The following C7orf78 variants were observed in gnomAD, a reference collection of about 807,000 sequenced individuals.
C7orf78 encodes the protein chromosome 7 open reading frame 78.
the C7orf78 span, among the ~76,000 whole-genome samples, chr7:12,534,325 T>C: frequency 6.6e-6 from 1 of 152,238 alleles, no homozygotes; most frequent in Non-Finnish European, 1.5e-5. Context: ...ATATATGACT[T>C]CTATTTCACA....
the C7orf78 span, among the ~76,000 whole-genome samples, chr7:12,515,305 G>A: frequency 4.6e-5 from 7 of 152,206 alleles, no homozygotes; most frequent in African/African-American, 4.8e-5. Context: ...TTTATCAGGA[G>A]TTTCTGCTTT....
the C7orf78 span, chr7:12,486,889 ATTG>A: frequency 1.5e-5 from 2 of 133,402 alleles, no homozygotes; most frequent in Non-Finnish European, 3.4e-5. Flanking sequence ...CTGATAAATT[ATTG>A]TCAAATCAAA....
chr7:12,511,709 A>G, the C7orf78 span, among the ~76,000 whole-genome samples: 2 of 151,768 alleles, frequency 1.3e-5, no homozygotes, highest in East Asian at 3.9e-4. Flanking sequence ...TTGTATGTTT[A>G]TTTTGTGTCT....
the C7orf78 span, among the ~76,000 whole-genome samples, chr7:12,524,959 CAG>C: frequency 0.15 from 22,756 of 151,976 alleles, 2,099 homozygotes; most frequent in Middle Eastern, 0.2. Context: ...GAATTGGAGG[CAG>C]AGTGTTATAA....
the C7orf78 span, among the ~76,000 whole-genome samples, chr7:12,513,118 CT>C: frequency 6.6e-6 from 1 of 151,846 alleles, no homozygotes; most frequent in Non-Finnish European, 1.5e-5. Flanking sequence ...AAAACTCAGC[CT>C]TGTATTTCAT....
chr7:12,511,117 T>G, the C7orf78 span, among the ~76,000 whole-genome samples: 1 of 152,084 alleles, frequency 6.6e-6, no homozygotes, highest in Non-Finnish European at 1.5e-5. Flanking sequence ...TTATCCAGTT[T>G]TCCAACTATG....
chr7:12,516,710 T>G, the C7orf78 span, among the ~76,000 whole-genome samples: 3 of 152,188 alleles, frequency 2.0e-5, no homozygotes, highest in Non-Finnish European at 2.9e-5. Context: ...ATGACCTGGA[T>G]GTGAGACCTG....
chr7:12,530,806 C>T, the C7orf78 span, among the ~76,000 whole-genome samples: 1 of 152,170 alleles, frequency 6.6e-6, no homozygotes, highest in South Asian at 2.1e-4. Context: ...ATGTTGAGAA[C>T]ACATACTTTT....
the C7orf78 span, among the ~76,000 whole-genome samples, chr7:12,505,278 A>G: frequency 6.6e-6 from 1 of 152,142 alleles, no homozygotes; most frequent in Non-Finnish European, 1.5e-5. Context: ...TTTGTAAGGT[A>G]GAAAATGGTT....
At chr7:12,540,997 G>A in the C7orf78 span, 1 of 152,162 alleles carries the variant, frequency 6.6e-6, no homozygotes, top group African/African-American at 2.4e-5. Context: ...TTCCCAGTGA[G>A]AACATTGATG....
At chr7:12,488,006 C>T in the C7orf78 span, among the ~76,000 whole-genome samples, 1 of 152,016 alleles carries the variant, frequency 6.6e-6, no homozygotes, top group African/African-American at 2.4e-5. Context: ...TCTGTTACCA[C>T]ATTTTTCAAA....
the C7orf78 span, among the ~76,000 whole-genome samples, chr7:12,497,745 G>C: frequency 6.6e-6 from 1 of 151,366 alleles, no homozygotes; most frequent in Non-Finnish European, 1.5e-5. Context: ...GCTCAAGGAG[G>C]CCTGCCTGCC....
At chr7:12,521,279 A>G in the C7orf78 span, among the ~76,000 whole-genome samples, 6 of 151,788 alleles carry the variant, frequency 4.0e-5, no homozygotes, top group Non-Finnish European at 7.4e-5. Flanking sequence ...GTTGTTTTGT[A>G]TATATTATTT....
the C7orf78 span, among the ~76,000 whole-genome samples, chr7:12,497,981 C>T: frequency 6.7e-6 from 1 of 149,772 alleles, no homozygotes; most frequent in Admixed American, 6.6e-5. Context: ...CACACTGACA[C>T]CTCACACTGC....
At chr7:12,508,563 G>A in the C7orf78 span, among the ~76,000 whole-genome samples, 1 of 152,120 alleles carries the variant, frequency 6.6e-6, no homozygotes, top group South Asian at 2.1e-4. Context: ...TTGCTCCAAT[G>A]TACTTTGATA....
the C7orf78 span, among the ~76,000 whole-genome samples, chr7:12,524,758 G>A: frequency 2.0e-5 from 3 of 151,746 alleles, no homozygotes; most frequent in Non-Finnish European, 2.9e-5. Context: ...CAAGAGAATC[G>A]CTTGAATTTG....
At chr7:12,517,466 A>G in the C7orf78 span, among the ~76,000 whole-genome samples, 33 of 152,322 alleles carry the variant, frequency 2.2e-4, no homozygotes, top group African/African-American at 7.5e-4. Context: ...ATTCTGCTAA[A>G]TAGGTTTTTG....
the C7orf78 span, among the ~76,000 whole-genome samples, chr7:12,509,912 T>G: frequency 1.3e-5 from 2 of 151,834 alleles, no homozygotes; most frequent in Non-Finnish European, 2.9e-5. Context: ...CGGGTGCCTG[T>G]AATCCCAGCT....
the C7orf78 span, among the ~76,000 whole-genome samples, chr7:12,500,259 A>G: frequency 6.6e-6 from 1 of 152,134 alleles, no homozygotes; most frequent in Non-Finnish European, 1.5e-5. Context: ...TAGAGACACA[A>G]GAAACCCTTC....
Sources: allele counts gnomAD v4.1 joint callset (sites outside exome capture counted in the v4.1 genomes callset), GRCh38; gene constraint gnomAD v4.1.1; transcripts MANE v1.5; gene names NCBI Gene and HGNC (gene_info 2026-07-23, HGNC 2026-07-21).